Variants in EFCAB8 observed in about 807,000 individuals in gnomAD.
EFCAB8 encodes the protein EF-hand calcium-binding domain-containing protein 8.
In EFCAB8, 100 loss-of-function variants were observed where a neutral mutation model predicts 116.3. The ratio of observed to expected loss-of-function variants is 0.86; its 90% CI spans 0.73 to 1.02. EFCAB8 has a LOEUF of 1.02. Among genes scored for constraint, EFCAB8 ranks in the 50% least tolerant of loss-of-function variants. The probability of loss-of-function intolerance (pLI) is 0.00; values close to 1 mark genes in which losing one functional copy is unlikely to be tolerated. For missense variants in EFCAB8, 1,320 were observed against 1,416.9 expected (o/e 0.93, Z 1.10); for synonymous variants, 558 against 567.9 (o/e 0.98, Z 0.25).
chr20:32,884,630 G>A lies in EFCAB8; in HGVS notation c.432-875G>A, dbSNP rs150136204. Among the ~76,000 whole-genome samples the A allele has an allele frequency of 9.3e-3, 1,412 of 152,290 alleles. 25 individuals carry two copies. The highest frequency in any genetic ancestry group is 0.032 in the African/African-American group (1,342 of 41,558). ...AGCCCAGGGTCAGACCAGGCCTACC[G>A]GATTTGGAAAGGGCCCTGGAGGAGG... On this transcript the variant is annotated intron_variant, in intron 5 of 26. Coordinates refer to ENST00000400522, the MANE Select transcript of EFCAB8 (RefSeq NM_001143967.2).
chr20:32,878,942 G>A, intron 5 of EFCAB8, 135 bp downstream of exon 5: 3 of 711,676 alleles, frequency 4.2e-6, no homozygotes, highest in African/African-American at 1.8e-5. Flanking sequence ...GCTGCCTGAT[G>A]TCCTTTGGCT....
chr20:32,894,022 A>AG (rs963049543), intron 9 of EFCAB8, among the ~76,000 whole-genome samples: 1 of 152,150 alleles, frequency 6.6e-6, no homozygotes. Context: ...ACTGATTAAT[A>AG]GCAGGAGGAA....
chr20:32,915,637 C>T (rs6088037), intron 17 of EFCAB8, among the ~76,000 whole-genome samples: 44,491 of 151,218 alleles, frequency 0.29, 7,306 homozygotes, highest in Middle Eastern at 0.45. Context: ...CAAGCTTTTT[C>T]TAGCATGGAC....
At chr20:32,881,862 C>A (rs139114548) in intron 5 of EFCAB8, among the ~76,000 whole-genome samples, 1 of 152,164 alleles carries the variant, frequency 6.6e-6, no homozygotes, top group South Asian at 2.1e-4. Flanking sequence ...CCCCATCAGG[C>A]CCTTAGGGAA....
chr20:32,944,085 G>A (rs538753029), intron 23 of EFCAB8, among the ~76,000 whole-genome samples: 2 of 152,196 alleles, frequency 1.3e-5, no homozygotes, highest in East Asian at 3.9e-4. Context: ...CTTAATTGTT[G>A]CATTGTATAT....
At chr20:32,883,224 T>G (rs1344326396) in intron 5 of EFCAB8, among the ~76,000 whole-genome samples, 1 of 152,184 alleles carries the variant, frequency 6.6e-6, no homozygotes, top group Non-Finnish European at 1.5e-5. Context: ...TATTTCAGGT[T>G]TCAAGATAAT....
At chr20:32,899,469 T>TA (rs1986328052) in intron 11 of EFCAB8, among the ~76,000 whole-genome samples, 1 of 151,820 alleles carries the variant, frequency 6.6e-6, no homozygotes, top group African/African-American at 2.4e-5. Context: ...ATTGTCCATG[T>TA]AAAAAATGAA....
At chr20:32,889,437 C>T (rs1237344989) in intron 7 of EFCAB8, 31 bp downstream of exon 7, 4 of 1,537,960 alleles carry the variant, frequency 2.6e-6, no homozygotes, top group Non-Finnish European at 3.5e-6. Context: ...CAGCTCTGCT[C>T]TCAGCCACTG....
Position 32,901,837 on chromosome 20 carries a change from G to A in EFCAB8, c.1088+3214G>A, listed in dbSNP as rs570270491. ...CAAGTAGCTGGGATTACAGGCACGCGCCATCATGCCCGGCTAATATTTGCA... is the reference window on the plus strand; with the variant it reads ...CAAGTAGCTGGGATTACAGGCACGCACCATCATGCCCGGCTAATATTTGCA... On this transcript the variant is annotated intron_variant, in intron 11 of 26. Transcript: ENST00000400522. 1.6e-4 allele frequency among the ~76,000 whole-genome samples: 25 copies of A among 152,262 alleles called. No individual in the cohort carries two copies. The South Asian group carries it at 5.0e-3, about 30-fold the overall frequency.
intron 15 of EFCAB8, among the ~76,000 whole-genome samples, chr20:32,911,182 T>C (rs1341312707): frequency 6.6e-6 from 1 of 152,224 alleles, no homozygotes; most frequent in African/African-American, 2.4e-5. Context: ...TCATGATTAA[T>C]GTTGTTTCAG....
At chr20:32,911,391 G>GA in intron 15 of EFCAB8, 89 bp from the exon 16 acceptor site, 1 of 1,193,934 alleles carries the variant, frequency 8.4e-7, no homozygotes, top group Non-Finnish European at 1.1e-6. Flanking sequence ...TCAGTGGATG[G>GA]AGGGGAGGGG....
At chr20:32,874,152 C>T (rs1984831420) in intron 3 of EFCAB8, among the ~76,000 whole-genome samples, 1 of 152,176 alleles carries the variant, frequency 6.6e-6, no homozygotes. Flanking sequence ...AACTCCTGGG[C>T]TCAAGCCTTC....
intron 2 of EFCAB8, among the ~76,000 whole-genome samples, chr20:32,864,951 G>C (rs1013085235): frequency 6.6e-6 from 1 of 152,212 alleles, no homozygotes. Context: ...GCCCTGCAGG[G>C]TAGGGACTGT....
At chr20:32,885,039 C>T (rs1187777687) in intron 5 of EFCAB8, among the ~76,000 whole-genome samples, 2 of 152,206 alleles carry the variant, frequency 1.3e-5, no homozygotes, top group Admixed American at 1.3e-4. Flanking sequence ...TGATTTCATC[C>T]TTCGGTTCTG....
rs1989087901 is a variant in EFCAB8 at position 32,959,890 on chromosome 20, CAGA to C, written c.3206_3208del (p.Lys1069del). Reference sequence around the variant, plus strand: ...GGAGGCAGACACTTGGGCCAAGCTGCAGAAGATGGCCCTGATGTCCCCGTGGGC... The same window carrying C: ...GGAGGCAGACACTTGGGCCAAGCTGCAGATGGCCCTGATGTCCCCGTGGGC... On this transcript the variant is annotated inframe_deletion, in exon 25 of 27. Transcript: ENST00000400522. The C allele has an allele frequency of 6.4e-7, 1 of 1,551,646 alleles. No individual in the cohort carries two copies. The highest frequency in any genetic ancestry group is 8.7e-7 in the Non-Finnish European group (1 of 1,146,970).
intron 6 of EFCAB8, among the ~76,000 whole-genome samples, chr20:32,887,354 T>C (rs1377204227): frequency 1.3e-5 from 2 of 152,166 alleles, no homozygotes; most frequent in Non-Finnish European, 2.9e-5. Flanking sequence ...GGCAGGCGGA[T>C]CACTTGAGGT....
At chr20:32,925,805 C>T (rs1295094283) in intron 20 of EFCAB8, among the ~76,000 whole-genome samples, 1 of 152,228 alleles carries the variant, frequency 6.6e-6, no homozygotes, top group Non-Finnish European at 1.5e-5. Context: ...ACAGGGAGGC[C>T]ATTAACCCGC....
chr20:32,911,506 A>C lies in EFCAB8; in HGVS notation c.1584A>C (p.Thr528=). 1 of 1,500,876 alleles carries C rather than the reference A, an allele frequency of 6.7e-7. No homozygotes were observed. Among genetic ancestry groups the C allele is most frequent in the South Asian group, 1.3e-5 (1 of 74,472 alleles). 93.0% of individuals were successfully genotyped at this position (1,500,876 alleles called of 1,614,324 possible). The change falls in exon 16 of 27, where the codon ACA becomes ACC. Residue 528 remains threonine, a synonymous_variant. Transcript: ENST00000400522. The part of the protein sequence containing the change: ...KQVVSGCLRG[T]VSVWEVVTGR... ...TGGTGAGTGGCTGCCTGCGCGGCAC[A>C]GTGAGTGTGTGGGAGGTCGTGACGG... is the stretch of plus-strand genomic sequence containing the variant.
intron 23 of EFCAB8, among the ~76,000 whole-genome samples, chr20:32,949,063 TTGTC>T (rs1373482330): frequency 6.6e-6 from 1 of 152,136 alleles, no homozygotes; most frequent in Non-Finnish European, 1.5e-5. Flanking sequence ...AGTTGACTAA[TTGTC>T]TATGTAGAAA....
Sources: allele counts gnomAD v4.1 joint callset (sites outside exome capture counted in the v4.1 genomes callset), GRCh38; gene constraint gnomAD v4.1.1; transcripts MANE v1.5; gene names NCBI Gene and HGNC (gene_info 2026-07-23, HGNC 2026-07-21).